MBOAT2: variants seen among roughly 807,000 people sequenced by gnomAD.
The protein encoded by MBOAT2 is membrane bound glycerophospholipid O-acyltransferase 2.
A neutral mutation model predicts 63.4 loss-of-function variants in MBOAT2; 28 were observed. That is an observed-to-expected ratio of 0.44 (90% CI 0.33 to 0.61). The LOEUF (loss-of-function observed/expected upper bound fraction) is 0.61. Ranked by LOEUF, MBOAT2 falls within the 20% of genes least tolerant of loss-of-function variation. The pLI is 0.03. For missense variants in MBOAT2, 470 were observed against 605.8 expected, an observed-to-expected ratio of 0.78 and a Z score of 2.35; for synonymous variants, 211 against 215.6, an observed-to-expected ratio of 0.98 and a Z score of 0.19.
intron 4 of MBOAT2, among the ~76,000 whole-genome samples, chr2:8,893,080 G>A (rs1259761453): frequency 2.9e-5 from 4 of 137,296 alleles, no homozygotes; most frequent in Non-Finnish European, 6.4e-5. Context: ...TGGGGGAGGA[G>A]GCAGGGGGAG....
Position 8,880,141 on chromosome 2 carries a change from T to C in MBOAT2, c.506+2370A>G, listed in dbSNP as rs541426841. Among the ~76,000 whole-genome samples, 7 of 151,954 alleles carry C rather than the reference T, an allele frequency of 4.6e-5. No homozygotes were observed. The South Asian group carries it at 1.2e-3, about 27-fold the overall frequency. ...ATTAAAAGCTTCCCTGGCTGCTAGCTGAAAAGTAGGCTGCACAGGGCATGG... is the reference window on the plus strand; with the variant it reads ...ATTAAAAGCTTCCCTGGCTGCTAGCCGAAAAGTAGGCTGCACAGGGCATGG... On this transcript the variant is annotated intron_variant, in intron 6 of 12. Coordinates refer to ENST00000305997, the MANE Select transcript of MBOAT2 (RefSeq NM_138799.4).
intron 4 of MBOAT2, among the ~76,000 whole-genome samples, chr2:8,900,102 T>C (rs527910697): frequency 1.5e-4 from 23 of 152,160 alleles, no homozygotes; most frequent in Non-Finnish European, 2.9e-4. Flanking sequence ...GTGGACAACA[T>C]TGAGTAATTC....
In MBOAT2 at chr2:8,866,875, C is replaced by G. The variant is rs79693866; in HGVS notation, c.987+1571G>C. On this transcript the variant is annotated intron_variant, in intron 9 of 12. Transcript: ENST00000305997. ...ATTCAGATTTGGTTATCTCAGCACACTTCAGTGATGGCCTGCATTTCTTAT... is the reference window on the plus strand; with the variant it reads ...ATTCAGATTTGGTTATCTCAGCACAGTTCAGTGATGGCCTGCATTTCTTAT... Among the ~76,000 whole-genome samples the G allele has an allele frequency of 7.0e-3, 1,063 of 152,290 alleles. 13 individuals carry two copies. Among genetic ancestry groups the G allele is most frequent in the South Asian group, 0.02 (96 of 4,822 alleles).
chr2:8,968,810 G>A lies in MBOAT2; in HGVS notation c.76-10168C>T, dbSNP rs139424321. On this transcript the variant is annotated intron_variant, in intron 1 of 12. Coordinates refer to ENST00000305997, the MANE Select transcript of MBOAT2 (RefSeq NM_138799.4). ...GAAGATCAAATGAATGAAATGAAGC[G>A]AGAAGAGAACTTTAGAGAAAAAAGA... is the stretch of plus-strand genomic sequence containing the variant. Among the ~76,000 whole-genome samples, 1,067 of 152,248 alleles carry A rather than the reference G, an allele frequency of 7.0e-3. 12 individuals are homozygous for A. The highest frequency in any genetic ancestry group is 0.02 in the South Asian group (98 of 4,820).
chr2:8,890,747 T>C, intron 4 of MBOAT2, among the ~76,000 whole-genome samples: 1 of 152,300 alleles, frequency 6.6e-6, no homozygotes, highest in African/African-American at 2.4e-5. Flanking sequence ...CTCAAACTCC[T>C]GGGCTTAAGC....
intron 1 of MBOAT2, among the ~76,000 whole-genome samples, chr2:8,959,720 C>G (rs1406442836): frequency 6.6e-6 from 1 of 152,132 alleles, no homozygotes; most frequent in Non-Finnish European, 1.5e-5. Flanking sequence ...GCCTCTGCCT[C>G]CCAAAGTGCT....
rs995783335 is a variant in MBOAT2 at position 9,003,648 on chromosome 2, C to G, written c.-34G>C. ...CTCGGCGCTCCGGCCGCCCGCGCCG[C>G]TCGCCCGCTCGCGCTGTGCCGGGCG... is the stretch of plus-strand genomic sequence containing the variant. On this transcript the variant is annotated 5_prime_UTR_variant, in exon 1 of 13. Coordinates refer to ENST00000305997, the MANE Select transcript of MBOAT2 (RefSeq NM_138799.4). This position sits in a 1 kb window ranked among gnomAD's most constrained non-coding sequence, Gnocchi z 5.4. 8.8e-7 allele frequency: 1 copy of G among 1,132,166 alleles called. No individual in the cohort carries two copies. The highest frequency in any genetic ancestry group is 1.1e-6 in the Non-Finnish European group (1 of 925,108). 70.1% of individuals were successfully genotyped at this position (1,132,166 alleles called of 1,614,324 possible).
intron 6 of MBOAT2, among the ~76,000 whole-genome samples, chr2:8,881,818 T>C (rs964158066): frequency 5.3e-5 from 8 of 152,180 alleles, no homozygotes; most frequent in African/African-American, 1.9e-4. Context: ...TAGTTCTAAA[T>C]AATATCACAA....
chr2:8,877,376 C>T (rs973343126), intron 6 of MBOAT2, among the ~76,000 whole-genome samples, 163 bp from the exon 7 acceptor site: 4 of 152,220 alleles, frequency 2.6e-5, no homozygotes, highest in Non-Finnish European at 4.4e-5. Flanking sequence ...CATAGTCATG[C>T]TCAAAAGTAT....
intron 5 of MBOAT2, among the ~76,000 whole-genome samples, chr2:8,886,334 T>G (rs1663549381): frequency 6.6e-6 from 1 of 152,226 alleles, no homozygotes; most frequent in African/African-American, 2.4e-5. Flanking sequence ...TGGAATCTTT[T>G]CACTGTAATA....
At chr2:8,882,391 A>T (rs1663203348) in intron 6 of MBOAT2, 120 bp downstream of exon 6, 1 of 987,732 alleles carries the variant, frequency 1.0e-6, no homozygotes, top group Admixed American at 2.1e-5. Flanking sequence ...GGAGAGAGTG[A>T]GGCTTGATTT....
At chr2:8,884,904 AT>A (rs1346760030) in intron 5 of MBOAT2, among the ~76,000 whole-genome samples, 1 of 152,190 alleles carries the variant, frequency 6.6e-6, no homozygotes, top group Non-Finnish European at 1.5e-5. Context: ...ACAAGATATC[AT>A]TTTTTAAAGC....
chr2:8,970,378 G>T (rs1193206350), intron 1 of MBOAT2, among the ~76,000 whole-genome samples: 1 of 152,194 alleles, frequency 6.6e-6, no homozygotes, highest in African/African-American at 2.4e-5. Flanking sequence ...GCAGTGTGTA[G>T]AAGGAAATTT....
chr2:8,937,799 C>T (rs1403525794), intron 3 of MBOAT2, among the ~76,000 whole-genome samples: 2 of 152,156 alleles, frequency 1.3e-5, no homozygotes. Flanking sequence ...GAAGTATTTA[C>T]TGAGATCATA....
intron 3 of MBOAT2, among the ~76,000 whole-genome samples, chr2:8,922,805 T>A (rs569751516): frequency 1.3e-5 from 2 of 152,296 alleles, no homozygotes; most frequent in South Asian, 2.1e-4. Flanking sequence ...ATCAAGTCCC[T>A]TGATGGCTCT....
chr2:8,963,151 T>C lies in MBOAT2; in HGVS notation c.76-4509A>G, dbSNP rs551179586. Among the ~76,000 whole-genome samples, 3 of 151,670 alleles carry C rather than the reference T, an allele frequency of 2.0e-5. No individual in the cohort carries two copies. In the South Asian group the frequency reaches 6.3e-4, roughly 32 times the overall value. ...CTACTGGGGAGGTGAGGTGGAAGGA[T>C]TGCTTGAGCCTTGGAGGTCAAGGTT... On this transcript the variant is annotated intron_variant, in intron 1 of 12. Coordinates refer to ENST00000305997, the MANE Select transcript of MBOAT2 (RefSeq NM_138799.4).
At chr2:8,890,736 T>C (rs932645040) in intron 4 of MBOAT2, among the ~76,000 whole-genome samples, 30 of 152,174 alleles carry the variant, frequency 2.0e-4, no homozygotes, top group African/African-American at 6.5e-4. Flanking sequence ...CCCAGGCTGG[T>C]CTCAAACTCC....
intron 1 of MBOAT2, among the ~76,000 whole-genome samples, chr2:8,959,466 T>TC (rs1669465253): frequency 6.9e-6 from 1 of 144,528 alleles, no homozygotes; most frequent in South Asian, 2.1e-4. Flanking sequence ...CTTTTTTTCT[T>TC]TTTTTTTTTT....
intron 11 of MBOAT2, among the ~76,000 whole-genome samples, chr2:8,861,537 G>C (rs1391292493): frequency 6.6e-6 from 1 of 152,190 alleles, no homozygotes; most frequent in African/African-American, 2.4e-5. Flanking sequence ...CTGCCATGGT[G>C]GTGAGCTAGG....
Sources: allele counts gnomAD v4.1 joint callset (sites outside exome capture counted in the v4.1 genomes callset), GRCh38; gene constraint gnomAD v4.1.1; non-coding constraint Gnocchi (gnomAD v3.1); transcripts MANE v1.5; gene names NCBI Gene and HGNC (gene_info 2026-07-23, HGNC 2026-07-21).